MAG: variants seen among roughly 807,000 people sequenced by gnomAD.
The protein encoded by MAG is myelin associated glycoprotein.
Under a neutral mutation model 60.7 loss-of-function variants are expected in MAG, and 30 were observed. The ratio of observed to expected loss-of-function variants is 0.49; its 90% CI spans 0.37 to 0.67. The LOEUF (loss-of-function observed/expected upper bound fraction) is 0.67, where lower values mean the gene tolerates loss of function less well. MAG is among the 30% of genes least tolerant of loss of function. The pLI, the probability that MAG is intolerant of heterozygous loss-of-function variation, is 0.00. For missense variants in MAG, 795 were observed against 851.7 expected, an observed-to-expected ratio of 0.93 and a Z score of 0.83; for synonymous variants, 384 against 376.8, an observed-to-expected ratio of 1.02 and a Z score of -0.22.
Position 35,292,211 on chromosome 19 carries a change from A to G in MAG, c.-80+7A>G. 2.2e-6 allele frequency: 1 copy of G among 455,832 alleles called. No homozygotes were observed. Among genetic ancestry groups the G allele is most frequent in the South Asian group, 1.5e-5 (1 of 64,528 alleles). 28.2% of individuals were successfully genotyped at this position (455,832 alleles called of 1,614,324 possible). A position where few individuals can be genotyped will look rare whatever the true frequency, so the allele number is the denominator to read the frequency against. On this transcript the variant is annotated splice_region_variant and intron_variant, in intron 1 of 10. Transcript: ENST00000392213. The stretch of plus-strand genomic sequence containing the variant: ...CAGAAGCAACTGAGTCCAAGTGAGT[A>G]TGGTGGCAGGGAGGCCAGGGCAAGG...
chr19:35,307,459 C>T (rs2066493804), intron 7 of MAG, among the ~76,000 whole-genome samples: 1 of 152,166 alleles, frequency 6.6e-6, no homozygotes, highest in Admixed American at 6.5e-5. Flanking sequence ...GGGTGCTGGA[C>T]TCTCAGGCCA....
chr19:35,300,468 C>G, intron 6 of MAG, 64 bp downstream of exon 6: 1 of 1,501,920 alleles, frequency 6.7e-7, no homozygotes, highest in Non-Finnish European at 8.9e-7. Flanking sequence ...GGAAAGGGGC[C>G]TCATCCAGGG....
At position 35,295,619 on chromosome 19, in the gene MAG, G is replaced by A. The variant is rs137856043; in HGVS notation, c.53G>A (p.Arg18Gln). 1.0e-4 allele frequency: 161 copies of A among 1,605,152 alleles called. 1 individual carries two copies. The East Asian group carries it at 1.7e-3, about 17-fold the overall frequency. Residue 18 changes from arginine to glutamine, a missense_variant, in exon 4 of 11, where the codon CGA becomes CAA. Arg to Gln is a conservative substitution (Grantham distance 43). Coordinates refer to ENST00000392213, the MANE Select transcript of MAG (RefSeq NM_002361.4). The surrounding 1 kb of genome is among the most constrained non-coding windows in gnomAD (Gnocchi z 5.8). ...CTCTCCTGCTTGCCCGCAGCCTCCC[G>A]AGGGGGTCACTGGGGTGCCTGGATG... ...PLFWIMISAS[R>Q]GGHWGAWMPS...
chr19:35,306,201 C>T (rs1047827091), intron 7 of MAG, among the ~76,000 whole-genome samples: 1 of 149,942 alleles, frequency 6.7e-6, no homozygotes, highest in Non-Finnish European at 1.5e-5. Flanking sequence ...ACTGTCCCAC[C>T]CCCCCACTCC....
rs552869656 is a variant in MAG at position 35,298,255 on chromosome 19, CAACA to C, written c.416-1294_416-1291del. ...CAACACAAACCACACACTCCACACA[CAACA>C]AACATGCACAACACACACTACAAAA... On this transcript the variant is annotated intron_variant, in intron 4 of 10. Coordinates refer to ENST00000392213, the MANE Select transcript of MAG (RefSeq NM_002361.4). Among the ~76,000 whole-genome samples, 326 of 151,110 alleles carry C rather than the reference CAACA, an allele frequency of 2.2e-3. 2 individuals carry two copies. Among genetic ancestry groups the C allele is most frequent in the Middle Eastern group, 0.014 (4 of 294 alleles).
At chr19:35,311,078 A>G (rs898559059) in intron 9 of MAG, among the ~76,000 whole-genome samples, 2 of 152,182 alleles carry the variant, frequency 1.3e-5, no homozygotes, top group African/African-American at 4.8e-5. Flanking sequence ...CACGCCTGTT[A>G]TCCCGCACTT....
At chr19:35,297,130 C>T (rs2066403852) in intron 4 of MAG, among the ~76,000 whole-genome samples, 1 of 149,606 alleles carries the variant, frequency 6.7e-6, no homozygotes, top group Non-Finnish European at 1.5e-5. Context: ...AACCACACAC[C>T]ACACACACAC....
At chr19:35,299,481 G>C in intron 4 of MAG, 73 bp from the exon 5 acceptor site, 1 of 1,051,920 alleles carries the variant, frequency 9.5e-7, no homozygotes, top group Non-Finnish European at 1.4e-6. Flanking sequence ...ACAAGGAGGA[G>C]GGTGGGTGGG....
At chr19:35,313,028 AAG>A (rs1379539193) in intron 10 of MAG, among the ~76,000 whole-genome samples, 3 of 152,056 alleles carry the variant, frequency 2.0e-5, no homozygotes, top group Admixed American at 1.3e-4. Context: ...CTCAAAGAAA[AAG>A]AAGAAGAAGA....
At chr19:35,292,644 G>GGTGTGTGTGTGT (rs74172714) in intron 1 of MAG, among the ~76,000 whole-genome samples, 23 of 150,098 alleles carry the variant, frequency 1.5e-4, no homozygotes, top group South Asian at 6.3e-4. Flanking sequence ...GCACATAGCA[G>GGTGTGTGTGTGT]GTGTGTGTGT....
At chr19:35,298,499 A>G (rs1366493293) in intron 4 of MAG, among the ~76,000 whole-genome samples, 1 of 150,126 alleles carries the variant, frequency 6.7e-6, no homozygotes, top group Non-Finnish European at 1.5e-5. Flanking sequence ...CACAACACAC[A>G]CTGCAGACAC....
At position 35,293,565 on chromosome 19, in the gene MAG, G is replaced by A. The variant is rs1341958465; in HGVS notation, c.-79-670G>A. Among the ~76,000 whole-genome samples the A allele has an allele frequency of 2.6e-5, 4 of 152,090 alleles. No homozygotes were observed. The highest frequency in any genetic ancestry group is 5.9e-5 in the Non-Finnish European group (4 of 68,018). ...GTGTCTCTGTCCGTGGGAAGAGGGC[G>A]GTGAAGGCTGGGAAAAGCAATTGCT... On this transcript the variant is annotated intron_variant, in intron 1 of 10. Coordinates refer to ENST00000392213, the MANE Select transcript of MAG (RefSeq NM_002361.4). This position sits in a 1 kb window ranked among gnomAD's most constrained non-coding sequence, Gnocchi z 4.0.
At chr19:35,309,443 G>T (rs545965105) in intron 7 of MAG, among the ~76,000 whole-genome samples, 2 of 151,290 alleles carry the variant, frequency 1.3e-5, no homozygotes, top group South Asian at 2.1e-4. Flanking sequence ...TTTCATTTTT[G>T]TTGTTGTTGT....
intron 10 of MAG, among the ~76,000 whole-genome samples, chr19:35,313,050 C>T (rs2066540287): frequency 6.6e-6 from 1 of 152,130 alleles, no homozygotes; most frequent in South Asian, 2.1e-4. Context: ...AAGCAGCTTC[C>T]TGGAGAAACT....
intron 7 of MAG, 23 bp downstream of exon 7, chr19:35,302,731 T>C (rs1184706864): frequency 1.9e-6 from 3 of 1,608,512 alleles, no homozygotes; most frequent in Non-Finnish European, 2.5e-6. Context: ...CGCTCCCCTA[T>C]GCTGGGGATG....
chr19:35,299,517 C>A, intron 4 of MAG, 37 bp from the exon 5 acceptor site: 2 of 1,481,704 alleles, frequency 1.3e-6, no homozygotes, highest in Non-Finnish European at 1.8e-6. Flanking sequence ...TAGCCCAGTG[C>A]TGCTTTCTCA....
At position 35,297,013 on chromosome 19, in the gene MAG, C is replaced by T. The variant is rs117708100; in HGVS notation, c.415+1032C>T. Among the ~76,000 whole-genome samples, 766 of 149,130 alleles carry T rather than the reference C, an allele frequency of 5.1e-3. 26 individuals are homozygous for T. In the East Asian group the frequency reaches 0.11, roughly 21 times the overall value. On this transcript the variant is annotated intron_variant, in intron 4 of 10. Coordinates refer to ENST00000392213, the MANE Select transcript of MAG (RefSeq NM_002361.4). ...TGGCGCTGAGGACTCCAAGCAGCAG[C>T]GCCACTCAGAAATGAGGCAGGGGGA...
In MAG at chr19:35,310,074, G is replaced by A. The variant is rs779375781; in HGVS notation, c.1432G>A (p.Gly478Arg). The A allele has an allele frequency of 1.9e-6, 3 of 1,613,436 alleles. No homozygotes were observed. Among genetic ancestry groups the A allele is most frequent in the Non-Finnish European group, 2.5e-6 (3 of 1,179,860 alleles). Residue 478 changes from glycine to arginine, a missense_variant, in exon 8 of 11, where the codon GGG (glycine) becomes AGG (arginine). Transcript: ENST00000392213. ...LVLTSILTLR[G>R]QAQAPPRVIC... The stretch of plus-strand genomic sequence containing the variant: ...GCTCACCAGCATCCTCACGCTGCGG[G>A]GGCAGGCCCAGGCCCCGCCCCGCGT...
chr19:35,299,586 G>A lies in MAG; in HGVS notation c.448G>A (p.Val150Met). 2 of 1,603,180 alleles carry A rather than the reference G, an allele frequency of 1.2e-6. No homozygotes were observed. The highest frequency in any genetic ancestry group is 1.7e-6 in the Non-Finnish European group (2 of 1,172,400). The change falls in exon 5 of 11, where the codon GTG becomes ATG. Residue 150 changes from valine (V) to methionine (M), a missense_variant. Transcript: ENST00000392213. The stretch of plus-strand genomic sequence containing the variant: ...CAACATCGTGGTGCCCCCAGAGGTG[G>A]TGGCAGGCACGGAGGTGGAGGTCAG... ...TPNIVVPPEV[V>M]AGTEVEVSCM...
Sources: gnomAD v4.1 joint callset for allele counts (sites outside exome capture counted in the v4.1 genomes callset) on GRCh38, gnomAD v4.1.1 for gene constraint, Gnocchi (gnomAD v3.1) non-coding constraint, MANE v1.5 for transcripts, NCBI Gene and HGNC (gene_info 2026-07-23, HGNC 2026-07-21) for gene names.